IL5: variants seen among roughly 807,000 people sequenced by gnomAD.
IL5 encodes the protein interleukin-5.
A neutral mutation model predicts 16.3 loss-of-function variants in IL5; 12 were observed. That is an observed-to-expected ratio of 0.74 (90% CI 0.47 to 1.20). The LOEUF (loss-of-function observed/expected upper bound fraction) is 1.20, where lower values mean the gene tolerates loss of function less well. Among genes scored for constraint, IL5 ranks in the 50% most tolerant of loss-of-function variants. IL5 has a pLI of 0.00. For synonymous variants in IL5, 54 were observed against 56.6 expected, an observed-to-expected ratio of 0.95 and a Z score of 0.21; for missense variants, 159 against 153.9, an observed-to-expected ratio of 1.03 and a Z score of -0.17.
At chr5:132,553,938 TAAAAAAA>T (rs57467548) in intron 1 of IL5, among the ~76,000 whole-genome samples, 9 of 87,302 alleles carry the variant, frequency 1.0e-4, no homozygotes, top group African/African-American at 3.8e-4. Flanking sequence ...GACTCCGTCT[TAAAAAAA>T]AAAAAAAAAA....
At chr5:132,550,322 A>T (rs1401709390) in intron 1 of IL5, among the ~76,000 whole-genome samples, 1 of 151,444 alleles carries the variant, frequency 6.6e-6, no homozygotes, top group Non-Finnish European at 1.5e-5. Context: ...AGAAAAAAGA[A>T]ATCTTTTTTT....
chr5:132,546,860 C>G (rs1277090581), upstream of IL5, among the ~76,000 whole-genome samples: 1 of 151,994 alleles, frequency 6.6e-6, no homozygotes, highest in African/African-American at 2.4e-5. Flanking sequence ...CCCATCTCCA[C>G]TAAAAATACA....
chr5:132,549,065 C>CT (rs1002903113), intron 1 of IL5, among the ~76,000 whole-genome samples: 10 of 151,696 alleles, frequency 6.6e-5, no homozygotes, highest in South Asian at 2.1e-4. Context: ...AAGTCTTTTT[C>CT]TTTTTTTTGA....
chr5:132,551,939 A>G (rs1046689472), intron 1 of IL5, among the ~76,000 whole-genome samples: 3 of 152,218 alleles, frequency 2.0e-5, no homozygotes, highest in Admixed American at 2.0e-4. Flanking sequence ...TACCAATATT[A>G]ATATCAGAAA....
intron 2 of IL5, 65 bp downstream of exon 2, chr5:132,543,029 T>A: frequency 8.2e-7 from 1 of 1,216,114 alleles, no homozygotes; most frequent in Non-Finnish European, 1.2e-6. Flanking sequence ...ACTAATGATT[T>A]ACAGCTTAAA....
At position 132,542,139 on chromosome 5, in the gene IL5, T is replaced by C; in HGVS notation, c.182A>G (p.Gln61Arg). 1 of 1,594,394 alleles carries C rather than the reference T, an allele frequency of 6.3e-7. No individual in the cohort carries two copies. The highest frequency in any genetic ancestry group is 8.5e-7 in the Non-Finnish European group (1 of 1,174,986). Residue 61 changes from glutamine to arginine, a missense_variant, in exon 3 of 4, where the codon CAA (glutamine) becomes CGA (arginine). Coordinates refer to ENST00000231454, the MANE Select transcript of IL5 (RefSeq NM_000879.3). ...RIPVPVHKNH[Q>R]LCTEEIFQGI... is the part of the protein sequence containing the mutation. ...CTGAAAGATTTCTTCAGTGCACAGT[T>C]GGTGCTAAATGAGGAAAATTTTTAA...
chr5:132,551,733 A>G (rs1749886053), intron 1 of IL5, among the ~76,000 whole-genome samples: 1 of 152,294 alleles, frequency 6.6e-6, no homozygotes, highest in East Asian at 1.9e-4. Flanking sequence ...TATTGCTCAC[A>G]TTTGTTTCAA....
intron 1 of IL5, among the ~76,000 whole-genome samples, chr5:132,554,588 T>C (rs1004840008): frequency 5.9e-5 from 9 of 152,200 alleles, no homozygotes; most frequent in African/African-American, 2.2e-4. Flanking sequence ...TTATGCACTA[T>C]TGGTGGGAAT....
intron 1 of IL5, among the ~76,000 whole-genome samples, chr5:132,555,601 C>T (rs1404990012): frequency 3.9e-5 from 6 of 152,146 alleles, no homozygotes; most frequent in Admixed American, 2.0e-4. Context: ...CTGCAAGCTC[C>T]GCCTCCCGGG....
At chr5:132,555,447 G>A (rs1235637001) in intron 1 of IL5, among the ~76,000 whole-genome samples, 1 of 152,228 alleles carries the variant, frequency 6.6e-6, no homozygotes, top group African/African-American at 2.4e-5. Context: ...GAAAAGATTT[G>A]TAGAGGTTGA....
At chr5:132,546,165 A>G (rs1749783342), upstream of IL5, among the ~76,000 whole-genome samples, 1 of 152,170 alleles carries the variant, frequency 6.6e-6, no homozygotes, top group African/African-American at 2.4e-5. Context: ...GGCAAAATAC[A>G]CATAAAATTT....
upstream of IL5, among the ~76,000 whole-genome samples, chr5:132,544,431 G>C: frequency 6.6e-6 from 1 of 152,160 alleles, no homozygotes; most frequent in East Asian, 1.9e-4. Context: ...GAAATGTGGG[G>C]TCCCAGTAGT....
Position 132,541,665 on chromosome 5 carries a change from G to T in IL5, c.*146C>A, listed in dbSNP as rs138655537. On this transcript the variant is annotated 3_prime_UTR_variant, in exon 4 of 4. Coordinates refer to ENST00000231454, the MANE Select transcript of IL5 (RefSeq NM_000879.3). ...TAAGAATTTTATGCTTTCTGGCAAA[G>T]TGTCAGTATGCCTGAAATATTTACT... 9.5e-4 allele frequency: 503 copies of T among 527,208 alleles called. 8 individuals are homozygous for T. Among genetic ancestry groups the T allele is most frequent in the African/African-American group, 9.3e-3 (476 of 51,416 alleles). 32.7% of individuals were successfully genotyped at this position (527,208 alleles called of 1,614,324 possible).
Position 132,541,732 on chromosome 5 carries a change from T to C in IL5, c.*79A>G, listed in dbSNP as rs981058065. 12 of 833,902 alleles carry C rather than the reference T, an allele frequency of 1.4e-5. No homozygotes were observed. In the African/African-American group the frequency reaches 1.9e-4, roughly 13 times the overall value. The allele number at this position is 833,902 out of a possible 1,614,324, so 51.7% of individuals were successfully genotyped here. ...ATTATACTGAAAATTAAGGCCTGAC[T>C]CTTTCTTGGCCCTCATTCTCACTGC... On this transcript the variant is annotated 3_prime_UTR_variant, in exon 4 of 4. Transcript: ENST00000231454.
At chr5:132,545,787 G>C (rs1749773953), upstream of IL5, among the ~76,000 whole-genome samples, 1 of 152,200 alleles carries the variant, frequency 6.6e-6, no homozygotes, top group South Asian at 2.1e-4. Flanking sequence ...AGGCGTGGTG[G>C]TGTGTGCCTG....
chr5:132,552,834 C>T (rs534345271), intron 1 of IL5, among the ~76,000 whole-genome samples: 2 of 152,224 alleles, frequency 1.3e-5, no homozygotes, highest in Admixed American at 1.3e-4. Context: ...CTCCCGGGTT[C>T]AGCGATTTTC....
At chr5:132,555,248 A>G (rs896371788) in intron 1 of IL5, among the ~76,000 whole-genome samples, 1 of 152,208 alleles carries the variant, frequency 6.6e-6, no homozygotes, top group African/African-American at 2.4e-5. Flanking sequence ...GAGCTGCAAC[A>G]TGGATGAACC....
intron 1 of IL5, among the ~76,000 whole-genome samples, chr5:132,549,213 G>A (rs1749844075): frequency 6.6e-6 from 1 of 152,084 alleles, no homozygotes; most frequent in Non-Finnish European, 1.5e-5. Context: ...CTGCCACCAC[G>A]CCCGGCTAAC....
intron 1 of IL5, among the ~76,000 whole-genome samples, chr5:132,549,797 T>C (rs1393741078): frequency 6.6e-6 from 1 of 152,238 alleles, no homozygotes; most frequent in African/African-American, 2.4e-5. Flanking sequence ...GCAATTTTCA[T>C]GATGACTAAA....
Sources: allele counts gnomAD v4.1 joint callset (sites outside exome capture counted in the v4.1 genomes callset), GRCh38; gene constraint gnomAD v4.1.1; transcripts MANE v1.5; gene names NCBI Gene and HGNC (gene_info 2026-07-23, HGNC 2026-07-21).